SRGAP1: variants seen among roughly 807,000 people sequenced by gnomAD.
SRGAP1 encodes SLIT-ROBO Rho GTPase activating protein 1, also known as SLIT-ROBO Rho GTPase-activating protein 1.
Under a neutral mutation model 121.9 loss-of-function variants are expected in SRGAP1, and 43 were observed. The ratio of observed to expected loss-of-function variants is 0.35; its 90% CI spans 0.28 to 0.46. SRGAP1 has a LOEUF of 0.46. SRGAP1 is among the 20% of genes least tolerant of loss of function. SRGAP1 has a pLI of 1.00. For synonymous variants in SRGAP1, 447 were observed against 485.4 expected (o/e 0.92, Z 1.04); for missense variants, 1,102 against 1,350.9 (o/e 0.82, Z 2.89).
chr12:64,138,864 T>G (rs1217582924), intron 21 of SRGAP1, among the ~76,000 whole-genome samples: 1 of 152,136 alleles, frequency 6.6e-6, no homozygotes, highest in East Asian at 1.9e-4. Flanking sequence ...TAACTCAAAT[T>G]CCATGAAAAG....
At chr12:63,912,069 A>G (rs1565947122) in intron 1 of SRGAP1, among the ~76,000 whole-genome samples, 1 of 152,180 alleles carries the variant, frequency 6.6e-6, no homozygotes, top group East Asian at 1.9e-4. Context: ...GCACTGGGGA[A>G]GAAGAGAAGG....
chr12:64,142,001 T>C lies in SRGAP1; in HGVS notation c.2881-294T>C, dbSNP rs187329021. On this transcript the variant is annotated intron_variant, in intron 21 of 21. Coordinates refer to ENST00000355086, the MANE Select transcript of SRGAP1 (RefSeq NM_020762.4). ...GAGACCCTGCCTCAAAAGAAAAAAA[T>C]TTTTTTTTAAGTCAGCATGCAAGGC... Among the ~76,000 whole-genome samples, 18 of 151,698 alleles carry C rather than the reference T, an allele frequency of 1.2e-4. 1 individual carries two copies. The highest frequency in any genetic ancestry group is 2.1e-4 in the South Asian group (1 of 4,786).
At chr12:63,848,007 TTA>T (rs564914474) in intron 1 of SRGAP1, among the ~76,000 whole-genome samples, 14 of 145,930 alleles carry the variant, frequency 9.6e-5, no homozygotes, top group Middle Eastern at 3.3e-3. Flanking sequence ...AATTTTTATT[TTA>T]TATATATATA....
At chr12:63,884,404 A>G (rs1044943838) in intron 1 of SRGAP1, among the ~76,000 whole-genome samples, 1 of 152,182 alleles carries the variant, frequency 6.6e-6, no homozygotes, top group Non-Finnish European at 1.5e-5. Flanking sequence ...ATATTTTTAA[A>G]TTGATGCATT....
chr12:64,046,287 A>G (rs535906613), intron 6 of SRGAP1, among the ~76,000 whole-genome samples: 50 of 152,294 alleles, frequency 3.3e-4, no homozygotes, highest in Admixed American at 5.9e-4. Context: ...ATTTTGTTCT[A>G]TGTGTGATGG....
chr12:63,962,467 G>A (rs2032670948), intron 1 of SRGAP1, among the ~76,000 whole-genome samples: 2 of 152,116 alleles, frequency 1.3e-5, no homozygotes, highest in Admixed American at 1.3e-4. Context: ...GAGTGTAGTG[G>A]TGCAGTCTTG....
intron 17 of SRGAP1, 41 bp from the exon 18 acceptor site, chr12:64,115,773 T>G (rs2036508027): frequency 6.4e-7 from 1 of 1,569,166 alleles, no homozygotes; most frequent in Non-Finnish European, 8.7e-7. Context: ...AAAATTTTTG[T>G]CTATTTTAAT....
At chr12:64,018,748 T>C (rs565191169) in intron 4 of SRGAP1, among the ~76,000 whole-genome samples, 1 of 152,350 alleles carries the variant, frequency 6.6e-6, no homozygotes, top group East Asian at 1.9e-4. Flanking sequence ...TATATCTATA[T>C]ACCAAATGCT....
intron 3 of SRGAP1, among the ~76,000 whole-genome samples, chr12:64,009,171 A>G (rs1340227304): frequency 1.3e-5 from 2 of 152,166 alleles, no homozygotes; most frequent in East Asian, 3.8e-4. Flanking sequence ...CATATTGAAA[A>G]TGGTTTGGAA....
At chr12:63,976,131 A>G (rs1443872458) in intron 1 of SRGAP1, among the ~76,000 whole-genome samples, 2 of 152,178 alleles carry the variant, frequency 1.3e-5, no homozygotes, top group Non-Finnish European at 2.9e-5. Flanking sequence ...ACAAGATCCA[A>G]ATATCCAGCC....
chr12:64,030,128 A>C (rs941058817), intron 4 of SRGAP1, among the ~76,000 whole-genome samples: 1 of 152,202 alleles, frequency 6.6e-6, no homozygotes, highest in African/African-American at 2.4e-5. Context: ...ATAACACCAA[A>C]TTGATAATTA....
intron 1 of SRGAP1, among the ~76,000 whole-genome samples, chr12:63,861,886 A>T (rs1899465437): frequency 6.6e-6 from 1 of 151,704 alleles, no homozygotes; most frequent in Admixed American, 6.6e-5. Context: ...CTTTGGGAGG[A>T]TGAGGTGGGT....
At chr12:64,133,862 G>A (rs188349724) in intron 21 of SRGAP1, among the ~76,000 whole-genome samples, 56 of 150,888 alleles carry the variant, frequency 3.7e-4, no homozygotes, top group Non-Finnish European at 6.5e-4. Context: ...TAGGAACAAC[G>A]TGATTAATTA....
At chr12:63,859,291 C>G (rs764334530) in intron 1 of SRGAP1, among the ~76,000 whole-genome samples, 23 of 152,132 alleles carry the variant, frequency 1.5e-4, no homozygotes, top group Non-Finnish European at 2.5e-4. Flanking sequence ...TCCCAAGTAG[C>G]TGGGATTACA....
intron 2 of SRGAP1, 147 bp from the exon 3 acceptor site, chr12:63,989,762 TA>T: frequency 1.7e-6 from 1 of 589,360 alleles, no homozygotes; most frequent in Middle Eastern, 4.3e-4. Context: ...TGCTGGCTGA[TA>T]AGTGTCCTGG....
chr12:63,918,557 C>T (rs564020880), intron 1 of SRGAP1, among the ~76,000 whole-genome samples: 1 of 152,292 alleles, frequency 6.6e-6, no homozygotes, highest in African/African-American at 2.4e-5. Context: ...GCTGGAACTA[C>T]AGTCATGTGC....
chr12:64,022,977 C>A (rs1227116545), intron 4 of SRGAP1, among the ~76,000 whole-genome samples: 1 of 151,982 alleles, frequency 6.6e-6, no homozygotes, highest in Non-Finnish European at 1.5e-5. Flanking sequence ...ACAGGTAAAG[C>A]ATTCAGAACA....
At chr12:64,089,675 C>CG (rs1465310928) in intron 11 of SRGAP1, among the ~76,000 whole-genome samples, 10 of 152,102 alleles carry the variant, frequency 6.6e-5, no homozygotes, top group Admixed American at 6.5e-4. Flanking sequence ...AAATTTCATC[C>CG]GTGGCAGGAG....
intron 1 of SRGAP1, among the ~76,000 whole-genome samples, chr12:63,911,170 G>A (rs1246827485): frequency 6.6e-6 from 1 of 151,742 alleles, no homozygotes; most frequent in African/African-American, 2.4e-5. Flanking sequence ...GTGGTGGCAG[G>A]CACGTGTAGT....
Sources: allele counts gnomAD v4.1 joint callset (sites outside exome capture counted in the v4.1 genomes callset), GRCh38; gene constraint gnomAD v4.1.1; transcripts MANE v1.5; gene names NCBI Gene and HGNC (gene_info 2026-07-23, HGNC 2026-07-21).